The following ZNF407 variants were observed in gnomAD, a reference collection of about 807,000 sequenced individuals.
ZNF407 encodes zinc finger protein 407.
Under a neutral mutation model 131.2 loss-of-function variants are expected in ZNF407, and 17 were observed. That is an observed-to-expected ratio of 0.13 (90% CI 0.09 to 0.19). The LOEUF (loss-of-function observed/expected upper bound fraction) is 0.19. Ranked by LOEUF, ZNF407 falls within the 10% of genes least tolerant of loss-of-function variation. The pLI is 1.00. For synonymous variants in ZNF407, 1,156 were observed against 1,062.0 expected, an observed-to-expected ratio of 1.09 and a Z score of -1.72; for missense variants, 2,681 against 2,830.6, an observed-to-expected ratio of 0.95 and a Z score of 1.20.
chr18:74,905,627 C>A (rs1488509544), intron 7 of ZNF407: 2 of 152,132 alleles, frequency 1.3e-5, no homozygotes, highest in Non-Finnish European at 2.9e-5. Context: ...CTTTTTATCG[C>A]ATAATAAACA....
At chr18:74,678,609 C>T (rs1301317899) in intron 3 of ZNF407, among the ~76,000 whole-genome samples, 3 of 152,120 alleles carry the variant, frequency 2.0e-5, no homozygotes, top group Non-Finnish European at 4.4e-5. Context: ...AATTTCTCAC[C>T]TTTTTGTTAA....
chr18:74,823,274 C>T (rs1970366380), intron 4 of ZNF407, among the ~76,000 whole-genome samples: 1 of 152,182 alleles, frequency 6.6e-6, no homozygotes. Context: ...ATTGTAAAGA[C>T]TGTCGACACT....
chr18:74,683,511 G>A (rs1205249372), intron 3 of ZNF407, among the ~76,000 whole-genome samples: 2 of 152,152 alleles, frequency 1.3e-5, no homozygotes. Context: ...CTTTATGTCT[G>A]AATTTTGAGA....
chr18:74,979,159 G>T (rs1972560055), intron 8 of ZNF407, among the ~76,000 whole-genome samples: 1 of 152,064 alleles, frequency 6.6e-6, no homozygotes, highest in African/African-American at 2.4e-5. Context: ...AGTAGAACCT[G>T]TACCCGCTTC....
chr18:74,877,099 G>A (rs989712820), intron 4 of ZNF407, 98 bp from the exon 5 acceptor site: 35 of 1,013,926 alleles, frequency 3.5e-5, no homozygotes, highest in African/African-American at 4.7e-5. Context: ...CAGAGGCTGC[G>A]TGTGCACCGC....
At chr18:74,607,242 C>G (rs946397841) in intron 1 of ZNF407, among the ~76,000 whole-genome samples, 1 of 152,148 alleles carries the variant, frequency 6.6e-6, no homozygotes, top group African/African-American at 2.4e-5. Flanking sequence ...GGCTGGGGCT[C>G]AAGAATCTGC....
chr18:74,632,374 G>T lies in ZNF407; in HGVS notation c.1355G>T (p.Gly452Val), dbSNP rs748321892. 5 of 1,613,878 alleles carry T rather than the reference G, an allele frequency of 3.1e-6. No homozygotes were observed. The South Asian group carries it at 5.5e-5, about 18-fold the overall frequency. Residue 452 changes from glycine (G) to valine (V), a missense_variant, in exon 2 of 9, where the codon GGT (glycine) becomes GTT (valine). Coordinates refer to ENST00000299687, the MANE Select transcript of ZNF407 (RefSeq NM_017757.3). Reference protein sequence around the residue: ...KRFNLLGIKRGTSETQRMYMK... With the variant: ...KRFNLLGIKRVTSETQRMYMK... ...TTTAATCTTTTAGGAATTAAAAGAGGTACAAGTGAAACTCAGAGGATGTAT... is the reference window on the plus strand; with the variant it reads ...TTTAATCTTTTAGGAATTAAAAGAGTTACAAGTGAAACTCAGAGGATGTAT...
intron 4 of ZNF407, among the ~76,000 whole-genome samples, chr18:74,854,889 C>T (rs1438390413): frequency 1.3e-5 from 2 of 152,126 alleles, no homozygotes; most frequent in Non-Finnish European, 2.9e-5. Flanking sequence ...GTCCAGATTT[C>T]TGTTTCTCAT....
At chr18:74,718,478 C>T (rs1333998000) in intron 3 of ZNF407, among the ~76,000 whole-genome samples, 1 of 151,904 alleles carries the variant, frequency 6.6e-6, no homozygotes, top group Non-Finnish European at 1.5e-5. Context: ...GAGCTGTGAT[C>T]ATGATATTGC....
chr18:74,693,989 A>G (rs1009571373), intron 3 of ZNF407, among the ~76,000 whole-genome samples: 1 of 152,154 alleles, frequency 6.6e-6, no homozygotes, highest in Non-Finnish European at 1.5e-5. Context: ...TGCTAATTCC[A>G]TCATGGTATA....
At chr18:75,020,338 GTGTA>G (rs771522595) in intron 8 of ZNF407, among the ~76,000 whole-genome samples, 2,532 of 118,904 alleles carry the variant, frequency 0.021, 38 homozygotes, top group Admixed American at 0.03. Context: ...GTGTGTGTGT[GTGTA>G]TATATATATA....
At position 74,804,643 on chromosome 18, in the gene ZNF407, G is replaced by A. The variant is rs576595660; in HGVS notation, c.4877+23141G>A. 1.4e-3 allele frequency: 1,327 copies of A among 974,170 alleles called. 3 individuals carry two copies. The highest frequency in any genetic ancestry group is 2.1e-3 in the Middle Eastern group (4 of 1,886). The allele number at this position is 974,170 out of a possible 1,614,324, so 60.3% of individuals were successfully genotyped here. A position where few individuals can be genotyped will look rare whatever the true frequency, so the allele number is the denominator to read the frequency against. ...GATTACTATAGCCAGTCTCTAAAAC[G>A]TCTGATTATTTGTATTTCATATGTG... On this transcript the variant is annotated intron_variant, in intron 4 of 8. Coordinates refer to ENST00000299687, the MANE Select transcript of ZNF407 (RefSeq NM_017757.3).
chr18:75,060,641 G>A (rs1973619708), intron 8 of ZNF407, among the ~76,000 whole-genome samples: 2 of 151,896 alleles, frequency 1.3e-5, no homozygotes, highest in Admixed American at 6.6e-5. Flanking sequence ...GAGTAGCTGG[G>A]ATTACAGGCA....
At chr18:74,917,529 T>A (rs968812530) in intron 7 of ZNF407, among the ~76,000 whole-genome samples, 2 of 152,106 alleles carry the variant, frequency 1.3e-5, no homozygotes, top group African/African-American at 4.8e-5. Context: ...TTAAATTCTC[T>A]CCCCTCCCTT....
At chr18:74,833,485 T>C (rs1970513040) in intron 4 of ZNF407, among the ~76,000 whole-genome samples, 1 of 152,290 alleles carries the variant, frequency 6.6e-6, no homozygotes, top group East Asian at 1.9e-4. Context: ...ACCTGCAGGA[T>C]GCAAAGGTGC....
chr18:74,598,175 A>T (rs559412212), intron 1 of ZNF407: 1 of 147,092 alleles, frequency 6.8e-6, no homozygotes, highest in Non-Finnish European at 1.5e-5. Context: ...TCGTTCGCTC[A>T]CGCTGCCTCG....
intron 7 of ZNF407, among the ~76,000 whole-genome samples, chr18:74,906,367 C>T (rs1253575503): frequency 6.6e-6 from 1 of 152,196 alleles, no homozygotes; most frequent in African/African-American, 2.4e-5. Context: ...TGTGTAAACA[C>T]GAGGATCCAG....
chr18:74,702,047 C>T (rs1004622075), intron 3 of ZNF407, among the ~76,000 whole-genome samples: 17 of 152,134 alleles, frequency 1.1e-4, no homozygotes, highest in African/African-American at 3.4e-4. Context: ...ATATCTATAA[C>T]GGAGACATGC....
At chr18:74,624,040 T>A (rs576575302) in intron 1 of ZNF407, among the ~76,000 whole-genome samples, 23 of 152,218 alleles carry the variant, frequency 1.5e-4, no homozygotes, top group Non-Finnish European at 3.1e-4. Context: ...GAAACCTTAC[T>A]GTGGGAAGAA....
Sources: gnomAD v4.1 joint callset for allele counts (sites outside exome capture counted in the v4.1 genomes callset) on GRCh38, gnomAD v4.1.1 for gene constraint, MANE v1.5 for transcripts, NCBI Gene and HGNC (gene_info 2026-07-23, HGNC 2026-07-21) for gene names.